Variants in CHCHD3 observed in about 807,000 individuals in gnomAD.
CHCHD3 encodes MICOS complex subunit MIC19.
A neutral mutation model predicts 38.2 loss-of-function variants in CHCHD3; 20 were observed. The observed-to-expected ratio is 0.52, with a 90% CI of 0.37 to 0.76. CHCHD3 has a LOEUF of 0.76. Ranked by LOEUF, CHCHD3 falls within the 30% of genes least tolerant of loss-of-function variation. The probability of loss-of-function intolerance (pLI) is 0.00; values close to 1 mark genes in which losing one functional copy is unlikely to be tolerated. For missense variants in CHCHD3, 245 were observed against 279.2 expected (o/e 0.88, Z 0.87); for synonymous variants, 82 against 100.0 (o/e 0.82, Z 1.07).
intron 3 of CHCHD3, among the ~76,000 whole-genome samples, chr7:132,993,216 T>G (rs997449277): frequency 5.3e-5 from 8 of 152,366 alleles, no homozygotes; most frequent in Non-Finnish European, 1.2e-4. Flanking sequence ...TCCTTTCAAT[T>G]TGCAGACTCC....
At chr7:132,932,733 C>T (rs896022042) in intron 4 of CHCHD3, among the ~76,000 whole-genome samples, 1 of 152,210 alleles carries the variant, frequency 6.6e-6, no homozygotes, top group Non-Finnish European at 1.5e-5. Flanking sequence ...CTCATTTTTA[C>T]ATCCTACAAA....
At chr7:132,983,724 A>G in intron 3 of CHCHD3, among the ~76,000 whole-genome samples, 1 of 152,156 alleles carries the variant, frequency 6.6e-6, no homozygotes, top group East Asian at 1.9e-4. Flanking sequence ...AGAAGCAGAG[A>G]AAAGTCATGA....
intron 3 of CHCHD3, 48 bp from the exon 4 acceptor site, chr7:132,975,334 G>A (rs1309020746): frequency 1.4e-6 from 2 of 1,438,378 alleles, no homozygotes; most frequent in African/African-American, 1.4e-5. Flanking sequence ...TTTATTAGTT[G>A]ACATTATTTT....
At position 132,898,789 on chromosome 7, in the gene CHCHD3, A is replaced by G. The variant is rs560631498; in HGVS notation, c.370-13044T>C. On this transcript the variant is annotated intron_variant, in intron 4 of 7. Coordinates refer to ENST00000262570, the MANE Select transcript of CHCHD3 (RefSeq NM_017812.4). Reference sequence around the variant, plus strand: ...TAAGGCCCGGCGAGAAATCGAGCGCAGCGCCGGTGGGCTGGCACTGCTGGG... The same window carrying G: ...TAAGGCCCGGCGAGAAATCGAGCGCGGCGCCGGTGGGCTGGCACTGCTGGG... 3.3e-5 allele frequency among the ~76,000 whole-genome samples: 5 copies of G among 152,338 alleles called. No individual in the cohort carries two copies. In the East Asian group the frequency reaches 9.7e-4, roughly 29 times the overall value.
rs920789442 is a variant in CHCHD3 at position 133,010,276 on chromosome 7, A to G, written c.251+14270T>C. Reference sequence around the variant, plus strand: ...GGGGTCACCTAGCCTTGGATCCTGGAGGGGAATATGAGGAGCATCATCTTA... The same window carrying G: ...GGGGTCACCTAGCCTTGGATCCTGGGGGGGAATATGAGGAGCATCATCTTA... On this transcript the variant is annotated intron_variant, in intron 3 of 7. Transcript: ENST00000262570. 1.1e-4 allele frequency among the ~76,000 whole-genome samples: 16 copies of G among 152,230 alleles called. No individual in the cohort carries two copies. In the South Asian group the frequency reaches 1.2e-3, roughly 12 times the overall value.
chr7:132,841,855 TG>T (rs1409755546), intron 5 of CHCHD3, among the ~76,000 whole-genome samples: 5 of 152,170 alleles, frequency 3.3e-5, no homozygotes, highest in Admixed American at 6.5e-5. Context: ...CCCAGCACTT[TG>T]GGAGGCAGAG....
Position 133,071,185 on chromosome 7 carries a change from T to G in CHCHD3, c.82-956A>C, listed in dbSNP as rs980272653. ...ACAGCACTTAACCACTACCTGAGACTTGCTTGTTTACCATCTGCCTTTCAC... is the reference window on the plus strand; with the variant it reads ...ACAGCACTTAACCACTACCTGAGACGTGCTTGTTTACCATCTGCCTTTCAC... On this transcript the variant is annotated intron_variant, in intron 1 of 7. Coordinates refer to ENST00000262570, the MANE Select transcript of CHCHD3 (RefSeq NM_017812.4). 7.9e-5 allele frequency among the ~76,000 whole-genome samples: 12 copies of G among 152,172 alleles called. 1 individual carries two copies. Among genetic ancestry groups the G allele is most frequent in the Admixed American group, 7.9e-4 (12 of 15,278 alleles).
chr7:132,954,804 T>C (rs1385831307), intron 4 of CHCHD3, among the ~76,000 whole-genome samples: 2 of 152,162 alleles, frequency 1.3e-5, no homozygotes, highest in Non-Finnish European at 2.9e-5. Context: ...GCCATCTGCC[T>C]GTACCTCTAG....
chr7:132,957,529 C>G (rs186857307), intron 4 of CHCHD3, among the ~76,000 whole-genome samples: 2 of 152,222 alleles, frequency 1.3e-5, no homozygotes, highest in East Asian at 3.9e-4. Context: ...GTCACCCAGG[C>G]TGCAGTGCAG....
At chr7:133,053,418 C>T (rs2117505351) in intron 2 of CHCHD3, among the ~76,000 whole-genome samples, 1 of 152,258 alleles carries the variant, frequency 6.6e-6, no homozygotes, top group South Asian at 2.1e-4. Flanking sequence ...AGTGAGCACT[C>T]AAATTTATAC....
At chr7:132,815,400 T>C (rs1472333916) in intron 6 of CHCHD3, 1 of 335,948 alleles carries the variant, frequency 3.0e-6, no homozygotes, top group Non-Finnish European at 5.8e-6. Context: ...ATATATTCTC[T>C]TATTAATTAC....
At chr7:133,028,316 C>A (rs1395499129) in intron 2 of CHCHD3, among the ~76,000 whole-genome samples, 5 of 152,148 alleles carry the variant, frequency 3.3e-5, no homozygotes, top group Non-Finnish European at 5.9e-5. Flanking sequence ...TTCTGTAAAA[C>A]CTCAGAGAGT....
intron 4 of CHCHD3, among the ~76,000 whole-genome samples, chr7:132,942,189 G>T (rs1460347640): frequency 6.6e-6 from 1 of 152,052 alleles, no homozygotes; most frequent in Non-Finnish European, 1.5e-5. Context: ...GAGAGGGAAG[G>T]GGCAGAAAGT....
At chr7:132,799,007 C>CTGTGTGTGTGTGTG (rs58508838) in intron 6 of CHCHD3, among the ~76,000 whole-genome samples, 2 of 145,490 alleles carry the variant, frequency 1.4e-5, no homozygotes, top group African/African-American at 5.1e-5. Context: ...GTGATCTGTT[C>CTGTGTGTGTGTGTG]TGTGTGTGTG....
At chr7:132,856,449 T>C (rs953966429) in intron 5 of CHCHD3, among the ~76,000 whole-genome samples, 2 of 152,208 alleles carry the variant, frequency 1.3e-5, no homozygotes, top group African/African-American at 4.8e-5. Context: ...TAAAGACAAA[T>C]GTGAAACATA....
chr7:133,075,799 C>T (rs1814972615), intron 1 of CHCHD3, among the ~76,000 whole-genome samples: 1 of 152,108 alleles, frequency 6.6e-6, no homozygotes, highest in African/African-American at 2.4e-5. Flanking sequence ...GTGGCTCACG[C>T]CTATAATCCC....
chr7:132,960,000 A>G (rs1811273553), intron 4 of CHCHD3, among the ~76,000 whole-genome samples: 1 of 152,228 alleles, frequency 6.6e-6, no homozygotes, highest in Admixed American at 6.5e-5. Flanking sequence ...TATCTCCAGA[A>G]TAGAGCTTGA....
chr7:133,009,802 A>C (rs1812812298), intron 3 of CHCHD3, among the ~76,000 whole-genome samples: 1 of 152,240 alleles, frequency 6.6e-6, no homozygotes, highest in Non-Finnish European at 1.5e-5. Flanking sequence ...TGCAAACTAT[A>C]GTACATGTTG....
chr7:132,788,599 G>A lies in CHCHD3; in HGVS notation c.661-2939C>T, dbSNP rs1235017690. Among the ~76,000 whole-genome samples the A allele has an allele frequency of 6.6e-6, 1 of 152,202 alleles. No individual in the cohort carries two copies. Among genetic ancestry groups the A allele is most frequent in the African/African-American group, 2.4e-5 (1 of 41,436 alleles). ...TAATTTTTCAGCCAAATCATATCAT[G>A]CTAAGAATGTTAGGCTCTCTTTCAG... On this transcript the variant is annotated intron_variant, in intron 7 of 7. Transcript: ENST00000262570. The surrounding 1 kb of genome is among the most constrained non-coding windows in gnomAD (Gnocchi z 4.0).
Sources: allele counts gnomAD v4.1 joint callset (sites outside exome capture counted in the v4.1 genomes callset), GRCh38; gene constraint gnomAD v4.1.1; non-coding constraint Gnocchi (gnomAD v3.1); transcripts MANE v1.5; gene names NCBI Gene and HGNC (gene_info 2026-07-23, HGNC 2026-07-21).